Variants in PRTN3 observed in about 807,000 individuals in gnomAD.
PRTN3 encodes myeloblastin.
PRTN3 carries 22 observed loss-of-function variants against 20.7 expected under a neutral mutation model. That is an observed-to-expected ratio of 1.06 (90% CI 0.76 to 1.52). PRTN3 has a LOEUF of 1.52. Among genes scored for constraint, PRTN3 ranks in the 40% most tolerant of loss-of-function variants. The pLI, the probability that PRTN3 is intolerant of heterozygous loss-of-function variation, is 0.00. For missense variants in PRTN3, 378 were observed against 359.6 expected (o/e 1.05, Z -0.41); for synonymous variants, 173 against 152.9 (o/e 1.13, Z -0.97).
At chr19:843,792 C>T (rs2035477292) in intron 2 of PRTN3, 101 bp from the exon 3 acceptor site, 16 of 1,458,948 alleles carry the variant, frequency 1.1e-5, no homozygotes, top group African/African-American at 1.4e-5. Flanking sequence ...GCAGGGTCGC[C>T]GAGGGAGGGG....
chr19:845,996 A>G, intron 3 of PRTN3, 151 bp from the exon 4 acceptor site: 1 of 539,190 alleles, frequency 1.9e-6, no homozygotes, highest in Non-Finnish European at 3.2e-6. Flanking sequence ...ATAGTGACAA[A>G]TGGGACAAAG....
chr19:841,198 T>C (rs1349631034), intron 1 of PRTN3, 129 bp downstream of exon 1: 2 of 1,234,710 alleles, frequency 1.6e-6, no homozygotes, highest in Non-Finnish European at 2.3e-6. Context: ...CAGGGGAGAC[T>C]CCACTCACTG....
At chr19:842,444 G>T (rs2035458252) in intron 1 of PRTN3, among the ~76,000 whole-genome samples, 2 of 59,556 alleles carry the variant, frequency 3.4e-5, no homozygotes, top group African/African-American at 1.8e-4. Context: ...TTTTGAGACA[G>T]AATCTCACTC....
At chr19:841,584 GTGAATGAGTGAACGAA>G (rs897458572) in intron 1 of PRTN3, among the ~76,000 whole-genome samples, 140 of 57,718 alleles carry the variant, frequency 2.4e-3, no homozygotes, top group Admixed American at 4.9e-3. Context: ...GAGTGAATGA[GTGAATGAGTGAACGAA>G]TGAATGAGTG....
At chr19:841,548 ATGAATGAG>A (rs1443267435) in intron 1 of PRTN3, among the ~76,000 whole-genome samples, 14 of 47,856 alleles carry the variant, frequency 2.9e-4, no homozygotes, top group African/African-American at 6.1e-4. Flanking sequence ...GAGTGAGTGA[ATGAATGAG>A]TGAATGAGTG....
chr19:843,710 G>A, intron 2 of PRTN3, 84 bp downstream of exon 2: 1 of 1,490,384 alleles, frequency 6.7e-7, no homozygotes, highest in East Asian at 2.5e-5. Context: ...TCTGCCCGGG[G>A]AGGACCCAGC....
chr19:844,151 G>A (rs1348979282), intron 3 of PRTN3, 117 bp downstream of exon 3: 7 of 1,343,368 alleles, frequency 5.2e-6, no homozygotes, highest in African/African-American at 3.0e-5. Context: ...GACCGAGGCC[G>A]CTGCAGCCTG....
At position 842,318 on chromosome 19, in the gene PRTN3, A is replaced by ATT. The variant is rs112350346; in HGVS notation, c.62-1127_62-1126dup. ...GCAAAATGGGTCTCTTTGTTGGCTG[A>ATT]TTTTTTTTTTTTTTTTTGCTTCTTT... On this transcript the variant is annotated intron_variant, in intron 1 of 4. Coordinates refer to ENST00000234347, the MANE Select transcript of PRTN3 (RefSeq NM_002777.4). 9.1e-3 allele frequency among the ~76,000 whole-genome samples: 1,102 copies of ATT among 121,408 alleles called. 7 individuals carry two copies. The highest frequency in any genetic ancestry group is 0.026 in the African/African-American group (836 of 32,188). The allele number at this position is 121,408 out of a possible 152,430, so 79.6% of individuals were successfully genotyped here. A position where few individuals can be genotyped will look rare whatever the true frequency, so the allele number is the denominator to read the frequency against.
intron 2 of PRTN3, 25 bp downstream of exon 2, chr19:843,651 G>A (rs1326422400): frequency 1.2e-5 from 18 of 1,521,484 alleles, no homozygotes; most frequent in Non-Finnish European, 1.5e-5. Flanking sequence ...CCACACCCCT[G>A]TCCGCCCGCC....
chr19:843,780 G>T, intron 2 of PRTN3, 113 bp from the exon 3 acceptor site: 1 of 1,454,522 alleles, frequency 6.9e-7, no homozygotes, highest in South Asian at 1.4e-5. Context: ...GGGAGGCCCG[G>T]GGCAGGGTCG....
rs774177496 is a variant in PRTN3 at position 846,216 on chromosome 19, C to T, written c.439C>T (p.Pro147Ser). Residue 147 changes from proline to serine, a missense_variant, in exon 4 of 5, where the codon CCC becomes TCC. Physicochemically the swap from Pro to Ser is moderately conservative, Grantham distance 74. Coordinates refer to ENST00000234347, the MANE Select transcript of PRTN3 (RefSeq NM_002777.4). ...VQLPQQDQPV[P>S]HGTQCLAMGW... is the part of the protein sequence containing the mutation. ...GCTGCCACAGCAGGACCAGCCAGTG[C>T]CCCACGGCACCCAGTGCCTGGCCAT... The T allele has an allele frequency of 1.9e-6, 3 of 1,546,216 alleles. No homozygotes were observed. The highest frequency in any genetic ancestry group is 1.2e-5 in the South Asian group (1 of 83,682).
At chr19:844,119 C>G in intron 3 of PRTN3, 85 bp downstream of exon 3, 1 of 1,485,580 alleles carries the variant, frequency 6.7e-7, no homozygotes, top group South Asian at 1.3e-5. Context: ...ATTCATTGAG[C>G]ACCCACTGTA....
At chr19:847,551 AAGAAAGAG>A (rs900475238) in intron 4 of PRTN3, among the ~76,000 whole-genome samples, 4 of 115,330 alleles carry the variant, frequency 3.5e-5, no homozygotes, top group African/African-American at 1.4e-4. Flanking sequence ...AAGAAAGAAA[AAGAAAGAG>A]AGAGAGAGAG....
At chr19:847,713 G>A (rs2035537761) in intron 4 of PRTN3, 86 bp from the exon 5 acceptor site, 2 of 1,461,382 alleles carry the variant, frequency 1.4e-6, no homozygotes, top group East Asian at 2.4e-5. Context: ...AGACTCAGGT[G>A]GCCCCTGATG....
At chr19:841,802 A>C (rs2035445087) in intron 1 of PRTN3, among the ~76,000 whole-genome samples, 1 of 133,010 alleles carries the variant, frequency 7.5e-6, no homozygotes, top group African/African-American at 2.9e-5. Context: ...ATCTCGGCTC[A>C]CTGCAAGCTC....
rs1444104081 is a variant in PRTN3 at position 843,953 on chromosome 19, C to CCAG, written c.294_296dup (p.Gln98dup). On this transcript the variant is annotated inframe_insertion, in exon 3 of 5. Transcript: ENST00000234347. ...ACAACGTGCGGACGCAGGAGCCCAC[C>CCAG]CAGCAGCACTTCTCGGTGGCTCAGG... 5.0e-6 allele frequency: 8 copies of CCAG among 1,602,374 alleles called. No homozygotes were observed.
chr19:848,090 C>T lies in PRTN3; in HGVS notation c.*121C>T. 1 of 1,234,590 alleles carries T rather than the reference C, an allele frequency of 8.1e-7. No homozygotes were observed. Among genetic ancestry groups the T allele is most frequent in the Non-Finnish European group, 1.1e-6 (1 of 907,322 alleles). The allele number at this position is 1,234,590 out of a possible 1,614,324, so 76.5% of individuals were successfully genotyped here. On this transcript the variant is annotated 3_prime_UTR_variant, in exon 5 of 5. Coordinates refer to ENST00000234347, the MANE Select transcript of PRTN3 (RefSeq NM_002777.4). ...GGCGTCCGGGACGGCCCCACCCGTC[C>T]CCCCACACTCCCTCCCACGGGGCTC...
At chr19:843,137 A>G (rs1172370486) in intron 1 of PRTN3, among the ~76,000 whole-genome samples, 1 of 151,970 alleles carries the variant, frequency 6.6e-6, no homozygotes, top group Non-Finnish European at 1.5e-5. Flanking sequence ...GCTGGTCTTG[A>G]ACTCCTGAGC....
chr19:843,807 G>A (rs1327119381), intron 2 of PRTN3, 86 bp from the exon 3 acceptor site: 2 of 1,492,326 alleles, frequency 1.3e-6, no homozygotes, highest in Non-Finnish European at 1.8e-6. Context: ...GAGGGGTCTG[G>A]GGCTGCACCG....
Sources: gnomAD v4.1 joint callset for allele counts (sites outside exome capture counted in the v4.1 genomes callset) on GRCh38, gnomAD v4.1.1 for gene constraint, MANE v1.5 for transcripts, NCBI Gene and HGNC (gene_info 2026-07-23, HGNC 2026-07-21) for gene names.